Variants in MAP4 observed in about 807,000 individuals in gnomAD.
The protein encoded by MAP4 is microtubule-associated protein 4.
In MAP4, 76 loss-of-function variants were observed where a neutral mutation model predicts 170.2. The observed-to-expected ratio is 0.45, with a 90% CI of 0.37 to 0.54. The LOEUF is 0.54. Among genes scored for constraint, MAP4 ranks in the 20% least tolerant of loss-of-function variants. MAP4 has a pLI of 0.00. For missense variants in MAP4, 2,506 were observed against 2,748.0 expected (o/e 0.91, Z 1.97); for synonymous variants, 909 against 994.5 (o/e 0.91, Z 1.62).
intron 1 of MAP4, among the ~76,000 whole-genome samples, chr3:48,080,089 A>G (rs1392710449): frequency 6.6e-6 from 1 of 152,242 alleles, no homozygotes; most frequent in East Asian, 1.9e-4. Context: ...GGACAAAATA[A>G]CTGTCATTGA....
At chr3:47,881,256 C>T (rs2096659342) in intron 10 of MAP4, among the ~76,000 whole-genome samples, 1 of 150,832 alleles carries the variant, frequency 6.6e-6, no homozygotes, top group Admixed American at 6.6e-5. Flanking sequence ...TGAGACTAGC[C>T]TGGGCAACAA....
chr3:47,902,483 G>C (rs567379387), intron 10 of MAP4, among the ~76,000 whole-genome samples: 107 of 152,000 alleles, frequency 7.0e-4, no homozygotes, highest in Non-Finnish European at 1.4e-3. Context: ...AGACCAGCCT[G>C]GCTAACATGG....
chr3:47,944,397 C>T (rs1302176308), intron 3 of MAP4, among the ~76,000 whole-genome samples: 1 of 152,012 alleles, frequency 6.6e-6, no homozygotes, highest in Admixed American at 6.6e-5. Context: ...TTTTCCAGCT[C>T]ACTCCATCCA....
intron 1 of MAP4, among the ~76,000 whole-genome samples, chr3:48,046,350 G>A (rs540026301): frequency 6.6e-6 from 1 of 152,262 alleles, no homozygotes; most frequent in African/African-American, 2.4e-5. Context: ...TACTTTATAC[G>A]ATTATTCACA....
At chr3:48,040,194 GCT>G (rs1277825734) in intron 1 of MAP4, among the ~76,000 whole-genome samples, 24 of 152,092 alleles carry the variant, frequency 1.6e-4, no homozygotes, top group African/African-American at 5.8e-4. Flanking sequence ...TACAATCCAC[GCT>G]TCTACTCCTT....
rs750938550 is a variant in MAP4, at chr3:47,909,731, C to T, written c.4690G>A (p.Val1564Ile). 6.2e-6 allele frequency: 10 copies of T among 1,613,904 alleles called. No homozygotes were observed. Among genetic ancestry groups the T allele is most frequent in the Middle Eastern group, 1.6e-4 (1 of 6,084 alleles). The change falls in exon 9 of 21, where the codon GTA (valine) becomes ATA (isoleucine). Residue 1564 changes from valine (V) to isoleucine (I), a missense_variant. Around this residue, in one of 3 missense-constraint regions of MAP4, gnomAD observed 2,008 missense variants for 2,206.0 expected, o/e 0.91. Transcript: ENST00000683076. ...TTTGCTAGCTCTGTGACTTTCTCTA[C>T]TGAATGCTTAGACGCACCACTGTGC... The part of the protein sequence containing the change: ...SVHSGASKHS[V>I]EKVTELAKGH...
chr3:47,853,570 C>T (rs2048623781), intron 19 of MAP4, among the ~76,000 whole-genome samples: 2 of 152,072 alleles, frequency 1.3e-5, no homozygotes, highest in East Asian at 1.9e-4. Flanking sequence ...GCAGCTGGAC[C>T]AGTGACACAC....
rs1401132978 is a variant in MAP4 at position 47,853,948 on chromosome 3, G to A, written c.6697-596C>T. Among the ~76,000 whole-genome samples, 5 of 152,178 alleles carry A rather than the reference G, an allele frequency of 3.3e-5. No individual in the cohort carries two copies. In the South Asian group the frequency reaches 1.0e-3, roughly 32 times the overall value. Reference sequence around the variant, plus strand: ...CTGTGGAGGCCTGGAGGGCGTCATAGGAGGAGGACATTTGGGGGACATGGA... The same window carrying A: ...CTGTGGAGGCCTGGAGGGCGTCATAAGAGGAGGACATTTGGGGGACATGGA... On this transcript the variant is annotated intron_variant, in intron 19 of 20. Transcript: ENST00000683076.
chr3:47,879,216 ACT>A (rs1166403122), intron 10 of MAP4, among the ~76,000 whole-genome samples: 1 of 151,998 alleles, frequency 6.6e-6, no homozygotes, highest in African/African-American at 2.4e-5. Context: ...TTTTATGATT[ACT>A]ATGCAATGGT....
At chr3:47,985,691 T>C (rs2100088233) in intron 2 of MAP4, among the ~76,000 whole-genome samples, 1 of 152,152 alleles carries the variant, frequency 6.6e-6, no homozygotes, top group South Asian at 2.1e-4. Flanking sequence ...TTGCCCATAC[T>C]ATTCAAAATA....
intron 3 of MAP4, among the ~76,000 whole-genome samples, chr3:47,976,235 TTC>T (rs1442470649): frequency 2.6e-5 from 4 of 152,282 alleles, no homozygotes; most frequent in African/African-American, 9.6e-5. Flanking sequence ...AAGAGCCAGG[TTC>T]TTTTTTGTCA....
chr3:47,922,400 A>G (rs1232880669), intron 4 of MAP4, among the ~76,000 whole-genome samples: 2 of 152,224 alleles, frequency 1.3e-5, no homozygotes, highest in Non-Finnish European at 2.9e-5. Flanking sequence ...AGATTTGGTT[A>G]TGTACATCAG....
chr3:48,050,547 A>T (rs917623998), intron 1 of MAP4, among the ~76,000 whole-genome samples: 1 of 151,796 alleles, frequency 6.6e-6, no homozygotes, highest in Non-Finnish European at 1.5e-5. Flanking sequence ...TTCGGTTTTC[A>T]TTTAATATTC....
Position 47,916,619 on chromosome 3 carries a change from T to C in MAP4, c.1208A>G (p.Lys403Arg), listed in dbSNP as rs369567945. 3 of 1,614,108 alleles carry C rather than the reference T, an allele frequency of 1.9e-6. No individual in the cohort carries two copies. The African/African-American group carries it at 4.0e-5, about 22-fold the overall frequency. The change falls in exon 7 of 21, where the codon AAG becomes AGG. Residue 403 changes from lysine to arginine, a missense_variant. By Grantham distance (26) the Lys-to-Arg change is conservative. This residue lies in a region of MAP4 where 2,008 missense variants were observed against 2,206.0 expected (regional missense o/e 0.91). Transcript: ENST00000683076. ...TACCAAATCCTTGGCTGGGACTATC[T>C]TGTTTTCTTTGGGTGGTCCCATGTC... ...SKDMGPPKEN[K>R]IVPAKDLVLL...
At position 47,918,951 on chromosome 3, in the gene MAP4, CAG is replaced by C. The variant is rs1254320530; in HGVS notation, c.530-112_530-111del. 17 of 874,890 alleles carry C rather than the reference CAG, an allele frequency of 1.9e-5. No individual in the cohort carries two copies. The South Asian group carries it at 2.8e-4, about 15-fold the overall frequency. The allele number at this position is 874,890 out of a possible 1,614,324, so 54.2% of individuals were successfully genotyped here. The stretch of plus-strand genomic sequence containing the variant: ...TGTTTTGTTTGTTTTTTTTTTGAGA[CAG>C]AGTTTCGCTCTGTTGCCCACGCAGA... On this transcript the variant is annotated intron_variant, in intron 5 of 20. Transcript: ENST00000683076.
At chr3:47,958,562 G>C (rs1481564901) in intron 3 of MAP4, among the ~76,000 whole-genome samples, 1 of 152,038 alleles carries the variant, frequency 6.6e-6, no homozygotes, top group Non-Finnish European at 1.5e-5. Context: ...TGTTGCCCAG[G>C]CTGGAGTGCA....
At chr3:47,881,779 A>T (rs541932694) in intron 10 of MAP4, among the ~76,000 whole-genome samples, 4 of 151,480 alleles carry the variant, frequency 2.6e-5, no homozygotes, top group African/African-American at 7.3e-5. Context: ...CTAATTTTTA[A>T]ATTATTTGTA....
chr3:47,946,238 C>T (rs565525417), intron 3 of MAP4, among the ~76,000 whole-genome samples: 141 of 151,648 alleles, frequency 9.3e-4, no homozygotes, highest in African/African-American at 3.2e-3. Context: ...CCACCACACC[C>T]GGCCCCATAA....
rs890464544 is a variant in MAP4 at position 48,055,371 on chromosome 3, C to T, written c.-20+33402G>A. ...CTGCGATTGCAGGCCCGCGCCGCCA[C>T]GCCTGATTGGTTTTGGTGGAGACGG... On this transcript the variant is annotated intron_variant, in intron 1 of 18. Transcript: ENST00000360240. Among the ~76,000 whole-genome samples the T allele has an allele frequency of 3.9e-5, 6 of 152,180 alleles. No individual in the cohort carries two copies. The South Asian group carries it at 8.3e-4, about 21-fold the overall frequency.
Sources: allele counts gnomAD v4.1 joint callset (sites outside exome capture counted in the v4.1 genomes callset), GRCh38; gene constraint gnomAD v4.1.1; regional missense constraint gnomAD v4.1.1; transcripts MANE v1.5; gene names NCBI Gene and HGNC (gene_info 2026-07-23, HGNC 2026-07-21).